Variants in ARHGAP21 observed in about 807,000 individuals in gnomAD.
The protein encoded by ARHGAP21 is Rho GTPase activating protein 21.
ARHGAP21 carries 38 observed loss-of-function variants against 164.6 expected under a neutral mutation model. The observed-to-expected ratio is 0.23, with a 90% CI of 0.18 to 0.30. The LOEUF is 0.30. Ranked by LOEUF, ARHGAP21 falls within the 10% of genes least tolerant of loss-of-function variation. ARHGAP21 has a pLI of 1.00. For missense variants in ARHGAP21, 1,822 were observed against 2,370.7 expected (o/e 0.77, Z 4.81); for synonymous variants, 766 against 857.9 (o/e 0.89, Z 1.87).
intron 2 of ARHGAP21, among the ~76,000 whole-genome samples, chr10:24,709,739 A>G (rs1414471956): frequency 9.3e-5 from 9 of 96,882 alleles, no homozygotes; most frequent in Non-Finnish European, 1.8e-4. Context: ...ACCTTCTCTT[A>G]AAAAAAAAAA....
Position 24,607,499 on chromosome 10 carries a change from A to G in ARHGAP21, c.2684T>C (p.Leu895Ser). Residue 895 changes from leucine (L) to serine (S), a missense_variant and splice_region_variant, in exon 11 of 26, where the codon TTG becomes TCG. Around this residue, in one of 5 missense-constraint regions of ARHGAP21, gnomAD observed 1,090 missense variants for 1,378.9 expected, o/e 0.79. Coordinates refer to ENST00000396432, the MANE Select transcript of ARHGAP21 (RefSeq NM_020824.4). Reference sequence around the variant, plus strand: ...TTAAAATAATACACCCGAGACTTACAATTTTGCATCTTCTCTGTAATCATC... The same window carrying G: ...TTAAAATAATACACCCGAGACTTACGATTTTGCATCTTCTCTGTAATCATC... ...GLDDYREDAK[L>S]SFKHVSSLKG... 6.2e-7 allele frequency: 1 copy of G among 1,611,912 alleles called. No individual in the cohort carries two copies. The highest frequency in any genetic ancestry group is 8.5e-7 in the Non-Finnish European group (1 of 1,179,262).
chr10:24,601,895 G>T, intron 13 of ARHGAP21, 83 bp downstream of exon 13: 6 of 1,299,300 alleles, frequency 4.6e-6, no homozygotes, highest in Non-Finnish European at 6.0e-6. Context: ...TGGATATCAT[G>T]CCATTTTATG....
At chr10:24,658,358 A>G (rs1252341439) in intron 4 of ARHGAP21, among the ~76,000 whole-genome samples, 2 of 151,936 alleles carry the variant, frequency 1.3e-5, no homozygotes, top group East Asian at 1.9e-4. Flanking sequence ...TCATGCTGCT[A>G]TAAAGACACA....
chr10:24,690,555 G>A (rs929502909), intron 2 of ARHGAP21, among the ~76,000 whole-genome samples: 3 of 152,224 alleles, frequency 2.0e-5, no homozygotes, highest in East Asian at 1.9e-4. Flanking sequence ...CAGGATGGGC[G>A]TGGTGGCTCA....
At chr10:24,616,540 CAATTT>C (rs1005424105) in intron 9 of ARHGAP21, among the ~76,000 whole-genome samples, 1 of 152,178 alleles carries the variant, frequency 6.6e-6, no homozygotes, top group Non-Finnish European at 1.5e-5. Flanking sequence ...CCATCAAATT[CAATTT>C]AACTTAGGGC....
At chr10:24,692,966 T>C (rs1234094693) in intron 2 of ARHGAP21, among the ~76,000 whole-genome samples, 1 of 150,852 alleles carries the variant, frequency 6.6e-6, no homozygotes, top group African/African-American at 2.4e-5. Flanking sequence ...TCAAAGATAA[T>C]GCTGAGTGAA....
At chr10:24,625,237 TAC>T (rs1835006285) in intron 7 of ARHGAP21, among the ~76,000 whole-genome samples, 1 of 132,628 alleles carries the variant, frequency 7.5e-6, no homozygotes, top group East Asian at 2.3e-4. Flanking sequence ...TCATTTTTTA[TAC>T]AGTCACATCA....
chr10:24,706,341 T>C, intron 2 of ARHGAP21, among the ~76,000 whole-genome samples: 1 of 152,310 alleles, frequency 6.6e-6, no homozygotes, highest in Middle Eastern at 3.4e-3. Flanking sequence ...ATTCAGATCA[T>C]TAGATTTATC....
chr10:24,598,956 T>A (rs560889414), intron 14 of ARHGAP21, among the ~76,000 whole-genome samples: 2 of 152,198 alleles, frequency 1.3e-5, no homozygotes, highest in African/African-American at 4.8e-5. Flanking sequence ...ATAGGACACA[T>A]TCATATGGTT....
At chr10:24,590,973 G>A (rs1418433946) in intron 24 of ARHGAP21, 1 of 923,210 alleles carries the variant, frequency 1.1e-6, no homozygotes, top group African/African-American at 1.8e-5. Flanking sequence ...ACAAAACAGT[G>A]GTTTGCATGC....
chr10:24,666,405 T>C (rs1253908181), intron 4 of ARHGAP21, among the ~76,000 whole-genome samples: 1 of 152,236 alleles, frequency 6.6e-6, no homozygotes, highest in East Asian at 1.9e-4. Flanking sequence ...GTACTATTTT[T>C]GCAACTTTGT....
chr10:24,691,958 A>G (rs1479269617), intron 2 of ARHGAP21, among the ~76,000 whole-genome samples: 1 of 152,254 alleles, frequency 6.6e-6, no homozygotes, highest in African/African-American at 2.4e-5. Flanking sequence ...TAGAAATCCA[A>G]TATACCATAA....
At chr10:24,646,681 G>A (rs964029429) in intron 4 of ARHGAP21, among the ~76,000 whole-genome samples, 1 of 152,130 alleles carries the variant, frequency 6.6e-6, no homozygotes, top group Non-Finnish European at 1.5e-5. Flanking sequence ...AGGCCAAGGT[G>A]GGAGGATCAC....
chr10:24,595,089 A>T (rs374020863), intron 20 of ARHGAP21, 28 bp downstream of exon 20: 43 of 1,605,744 alleles, frequency 2.7e-5, no homozygotes, highest in Non-Finnish European at 3.6e-5. Context: ...TTTTAGTTGT[A>T]TCCCCCAAAA....
chr10:24,718,010 G>A (rs1042707408), intron 2 of ARHGAP21, among the ~76,000 whole-genome samples: 1 of 152,186 alleles, frequency 6.6e-6, no homozygotes. Context: ...TAGGGACAGA[G>A]CTGCGGAAGG....
intron 2 of ARHGAP21, among the ~76,000 whole-genome samples, chr10:24,718,615 T>C (rs1358126966): frequency 2.0e-5 from 3 of 152,160 alleles, no homozygotes; most frequent in Non-Finnish European, 4.4e-5. Flanking sequence ...AAAAGCAAAC[T>C]GTCCAGCATT....
chr10:24,588,280 T>C (rs1185606925), intron 25 of ARHGAP21, among the ~76,000 whole-genome samples: 16 of 149,664 alleles, frequency 1.1e-4, no homozygotes, highest in Non-Finnish European at 9.0e-5. Context: ...TATTTAGGAG[T>C]AGTGTTATCT....
At chr10:24,653,726 C>A (rs1838460032) in intron 4 of ARHGAP21, among the ~76,000 whole-genome samples, 3 of 152,112 alleles carry the variant, frequency 2.0e-5, no homozygotes, top group Admixed American at 2.0e-4. Context: ...AACTCACAGA[C>A]CTGTTTAGAT....
intron 2 of ARHGAP21, 53 bp downstream of exon 2, chr10:24,721,784 C>A: frequency 1.2e-6 from 2 of 1,603,324 alleles, no homozygotes; most frequent in East Asian, 4.5e-5. Flanking sequence ...TTGCAGGACG[C>A]TCAAGACACA....
Sources: gnomAD v4.1 joint callset for allele counts (sites outside exome capture counted in the v4.1 genomes callset) on GRCh38, gnomAD v4.1.1 for gene constraint, gnomAD v4.1.1 regional missense constraint, MANE v1.5 for transcripts, NCBI Gene and HGNC (gene_info 2026-07-23, HGNC 2026-07-21) for gene names.